Variants in TNNT3 observed in about 807,000 individuals in gnomAD.
TNNT3 encodes the protein troponin T, fast skeletal muscle.
TNNT3 carries 36 observed loss-of-function variants against 54.2 expected under a neutral mutation model. The observed-to-expected ratio is 0.66, with a 90% CI of 0.51 to 0.88. The LOEUF is 0.88. Among genes scored for constraint, TNNT3 ranks in the 40% least tolerant of loss-of-function variants. TNNT3 has a pLI of 0.00. For synonymous variants in TNNT3, 120 were observed against 109.7 expected (o/e 1.09, Z -0.59); for missense variants, 291 against 331.6 (o/e 0.88, Z 0.95).
chr11:1,923,182 A>G (rs951347311), intron 3 of TNNT3, 121 bp downstream of exon 3: 3 of 1,406,066 alleles, frequency 2.1e-6, no homozygotes, highest in African/African-American at 2.8e-5. Flanking sequence ...GCTGCATCCC[A>G]TGGGTGGCTT....
chr11:1,936,560 T>C lies in TNNT3; in HGVS notation c.682-403T>C, dbSNP rs2137323. On this transcript the variant is annotated intron_variant, in intron 14 of 15. Transcript: ENST00000278317. ...GGCTGGCCCAGGAGCAGCAGGGCCG[T>C]TCGGAGCTCTGAGCTCAGCGGCTGA... is the stretch of plus-strand genomic sequence containing the variant. 1 allele frequency among the ~76,000 whole-genome samples: 152,086 copies of C among 152,310 alleles called. 75,931 individuals carry two copies. The highest frequency in any genetic ancestry group is 1 in the Middle Eastern group (294 of 294).
At chr11:1,936,671 C>T (rs1027179540) in intron 14 of TNNT3, among the ~76,000 whole-genome samples, 3 of 152,254 alleles carry the variant, frequency 2.0e-5, no homozygotes, top group African/African-American at 7.2e-5. Flanking sequence ...CCCCCCGCCC[C>T]ACATCCTGCC....
rs1854496601 is a variant in TNNT3, at chr11:1,934,832, C to A, written c.594C>A (p.Asp198Glu). The part of the protein sequence containing the change: ...IDHLGEDKLR[D>E]KAKELWETLH... Reference sequence around the variant, plus strand: ...CTCACCACTTCCTCTGCCCCAGGGACAAGGCCAAGGAGCTCTGGGAGACCC... The same window carrying A: ...CTCACCACTTCCTCTGCCCCAGGGAAAAGGCCAAGGAGCTCTGGGAGACCC... The change falls in exon 14 of 16, where the codon GAC (aspartate) becomes GAA (glutamate). Residue 198 changes from aspartate (D) to glutamate (E), a missense_variant. Asp to Glu is a conservative substitution (Grantham distance 45). Transcript: ENST00000278317. The A allele has an allele frequency of 6.2e-7, 1 of 1,613,312 alleles. No homozygotes were observed. Among genetic ancestry groups the A allele is most frequent in the Non-Finnish European group, 8.5e-7 (1 of 1,180,020 alleles).
chr11:1,921,483 G>A (rs1850104865), intron 1 of TNNT3: 2 of 152,350 alleles, frequency 1.3e-5, no homozygotes, highest in Admixed American at 1.3e-4. Flanking sequence ...CTGGCTCGTG[G>A]GGCTGAGGAC....
rs1381975141 is a variant in TNNT3, at chr11:1,921,869, G to A, written c.-18-988G>A. 2.6e-5 allele frequency among the ~76,000 whole-genome samples: 4 copies of A among 152,324 alleles called. No homozygotes were observed. In the South Asian group the frequency reaches 8.3e-4, roughly 32 times the overall value. ...GTGCAGCTGCTCAGAGCCTCCCCAGGCCTGGCCGCCCAGTGTGCACGGTGG... is the reference window on the plus strand; with the variant it reads ...GTGCAGCTGCTCAGAGCCTCCCCAGACCTGGCCGCCCAGTGTGCACGGTGG... On this transcript the variant is annotated intron_variant, in intron 1 of 15. Transcript: ENST00000278317.
intron 6 of TNNT3, 120 bp downstream of exon 6, chr11:1,926,829 G>A: frequency 1.5e-6 from 2 of 1,359,048 alleles, no homozygotes; most frequent in Admixed American, 1.7e-5. Context: ...ACCCGTTCTG[G>A]CCTCTGGGCT....
chr11:1,922,746 G>A lies in TNNT3; in HGVS notation c.-18-111G>A, dbSNP rs145171729. 438 of 1,068,558 alleles carry A rather than the reference G, an allele frequency of 4.1e-4. 1 individual carries two copies. In the African/African-American group the frequency reaches 5.8e-3, roughly 14 times the overall value. The allele number at this position is 1,068,558 out of a possible 1,614,324, so 66.2% of individuals were successfully genotyped here. On this transcript the variant is annotated intron_variant, in intron 1 of 15. Transcript: ENST00000278317. Reference sequence around the variant, plus strand: ...CAGAGCTGGCCCCCAAACCCTGCCCGCGGTCCCCCACAGCGCTGCTCCAAG... The same window carrying A: ...CAGAGCTGGCCCCCAAACCCTGCCCACGGTCCCCCACAGCGCTGCTCCAAG...
At chr11:1,932,957 C>T (rs111210497) in intron 9 of TNNT3, among the ~76,000 whole-genome samples, 1 of 27,456 alleles carries the variant, frequency 3.6e-5, no homozygotes, top group Admixed American at 3.3e-4. Context: ...CCCATTCATA[C>T]ACTCACCTAC....
intron 14 of TNNT3, chr11:1,935,167 G>T (rs1589997717): frequency 3.4e-6 from 2 of 584,740 alleles, no homozygotes; most frequent in South Asian, 3.9e-5. Flanking sequence ...CCTTTGGGCG[G>T]CCTTGGTTAC....
In TNNT3 at chr11:1,937,048, C is replaced by T. The variant is rs1424640179; in HGVS notation, c.722+45C>T. 4 of 1,557,558 alleles carry T rather than the reference C, an allele frequency of 2.6e-6. No individual in the cohort carries two copies. The East Asian group carries it at 7.1e-5, about 28-fold the overall frequency. On this transcript the variant is annotated intron_variant, in intron 15 of 15. Transcript: ENST00000278317. ...TCGCTCCGCACTGGGCACAGGGGCCCTTGGGGCCAGCCGCTGTAGCCAGTC... is the reference window on the plus strand; with the variant it reads ...TCGCTCCGCACTGGGCACAGGGGCCTTTGGGGCCAGCCGCTGTAGCCAGTC...
chr11:1,926,385 CT>C, intron 5 of TNNT3: 1 of 1,565,400 alleles, frequency 6.4e-7, no homozygotes, highest in Non-Finnish European at 8.8e-7. Context: ...TGGCGACGGG[CT>C]TTTCCATTAA....
chr11:1,922,725 G>A (rs1850373447), intron 1 of TNNT3, 132 bp from the exon 2 acceptor site: 5 of 840,098 alleles, frequency 6.0e-6, no homozygotes, highest in Non-Finnish European at 9.8e-6. Flanking sequence ...CAAGGCCAGA[G>A]CTGGCCCCCA....
At chr11:1,924,121 C>CCT (rs570922904) in intron 4 of TNNT3, among the ~76,000 whole-genome samples, 4 of 152,066 alleles carry the variant, frequency 2.6e-5, no homozygotes, top group Admixed American at 6.6e-5. Context: ...TCTCTCCCTG[C>CCT]CTCTCTCTCT....
intron 13 of TNNT3, 46 bp from the exon 14 acceptor site, chr11:1,934,783 C>T: frequency 6.2e-7 from 1 of 1,604,640 alleles, no homozygotes; most frequent in Non-Finnish European, 8.5e-7. Context: ...CCTGGCCCTG[C>T]CTTTGGGGCT....
chr11:1,920,904 C>G (rs1259394063), intron 1 of TNNT3, among the ~76,000 whole-genome samples: 2 of 152,192 alleles, frequency 1.3e-5, no homozygotes, highest in Non-Finnish European at 2.9e-5. Context: ...ACAGAACAGC[C>G]TTGTGTTGCT....
At chr11:1,923,291 G>T (rs1030412708) in intron 3 of TNNT3, among the ~76,000 whole-genome samples, 8 of 152,108 alleles carry the variant, frequency 5.3e-5, no homozygotes, top group Non-Finnish European at 8.8e-5. Flanking sequence ...TCAGGCTCTG[G>T]GTCCTGTCTC....
chr11:1,932,421 G>A, intron 8 of TNNT3, 48 bp from the exon 9 acceptor site: 2 of 1,588,514 alleles, frequency 1.3e-6, no homozygotes, highest in Non-Finnish European at 1.7e-6. Context: ...GACCCTCTGG[G>A]GTGGGTCTCC....
upstream of TNNT3, chr11:1,919,623 C>G (rs1249556382): frequency 1.3e-5 from 2 of 152,340 alleles, no homozygotes; most frequent in East Asian, 3.8e-4. Flanking sequence ...TCCGCACACA[C>G]CCCGGCCACC....
chr11:1,922,970 C>G, intron 2 of TNNT3, 78 bp from the exon 3 acceptor site: 1 of 1,613,408 alleles, frequency 6.2e-7, no homozygotes, highest in South Asian at 1.1e-5. Flanking sequence ...GGAGCATGCG[C>G]TATCTTGCAC....
Sources: allele counts gnomAD v4.1 joint callset (sites outside exome capture counted in the v4.1 genomes callset), GRCh38; gene constraint gnomAD v4.1.1; transcripts MANE v1.5; gene names NCBI Gene and HGNC (gene_info 2026-07-23, HGNC 2026-07-21).